The following CENATAC variants were observed in gnomAD, a reference collection of about 807,000 sequenced individuals.
CENATAC encodes centrosomal AT-AC splicing factor, also known as coiled-coil domain containing 84.
Under a neutral mutation model 53.7 loss-of-function variants are expected in CENATAC, and 53 were observed. The ratio of observed to expected loss-of-function variants is 0.99; its 90% CI spans 0.79 to 1.24. The LOEUF (loss-of-function observed/expected upper bound fraction) is 1.24. CENATAC is among the 50% of genes most tolerant of loss of function. CENATAC has a pLI of 0.00. For missense variants in CENATAC, 474 were observed against 417.8 expected, an observed-to-expected ratio of 1.13 and a Z score of -1.17; for synonymous variants, 156 against 144.6, an observed-to-expected ratio of 1.08 and a Z score of -0.57.
In CENATAC at chr11:119,015,782, C is replaced by T; in HGVS notation, c.*184C>T. On this transcript the variant is annotated 3_prime_UTR_variant, in exon 11 of 11. Transcript: ENST00000334418. The stretch of plus-strand genomic sequence containing the variant: ...ACCTGTAAAAAAAAATTAAAAGAAT[C>T]AGAACCATAAAGCTTTGTATCTACC... 2 of 1,347,618 alleles carry T rather than the reference C, an allele frequency of 1.5e-6. No homozygotes were observed. Among genetic ancestry groups the T allele is most frequent in the Non-Finnish European group, 2.1e-6 (2 of 950,356 alleles). The allele number at this position is 1,347,618 out of a possible 1,614,324, so 83.5% of individuals were successfully genotyped here.
chr11:118,999,068 G>C lies in CENATAC; in HGVS notation c.342G>C (p.Gln114His), dbSNP rs1316473732. Residue 114 changes from glutamine (Q) to histidine (H), a missense_variant, in exon 3 of 11, where the codon CAG becomes CAC. By Grantham distance (24) the Gln-to-His change is conservative (BLOSUM62 0). Transcript: ENST00000334418. ...GGTGGGAGAACAAAGCTGAGGTCCA[G>C]ATGAAAGAGAAGTTTCTGGTCACTC... ...KFWWENKAEV[Q>H]MKEKFLVTPQ... is the part of the protein sequence containing the mutation. The C allele has an allele frequency of 2.5e-6, 4 of 1,614,092 alleles. No homozygotes were observed. The highest frequency in any genetic ancestry group is 3.4e-6 in the Non-Finnish European group (4 of 1,180,038).
At chr11:119,011,433 G>A in intron 5 of CENATAC, 150 bp downstream of exon 5, 1 of 638,906 alleles carries the variant, frequency 1.6e-6, no homozygotes, top group Non-Finnish European at 2.6e-6. Context: ...GAGTGCAGTG[G>A]CACGATCTCG....
Position 118,998,585 on chromosome 11 carries a change from T to G in CENATAC, c.276T>G (p.His92Gln), listed in dbSNP as rs782135781. 8 of 1,562,202 alleles carry G rather than the reference T, an allele frequency of 5.1e-6. No individual in the cohort carries two copies. In the South Asian group the frequency reaches 9.4e-5, roughly 18 times the overall value. Residue 92 changes from histidine (H) to glutamine (Q), a missense_variant, in exon 2 of 11, where the codon CAT becomes CAG. His to Gln is a conservative substitution (Grantham distance 24, BLOSUM62 0). Coordinates refer to ENST00000334418, the MANE Select transcript of CENATAC (RefSeq NM_198489.3). ...TGCTGTACGGGGGGCTGCTGGAGCA[T>G]CTGGCCAGGTGAGAGCCGAGCTAGG... ...LTVLYGGLLE[H>Q]LASPEHKKAT... is the part of the protein sequence containing the mutation.
chr11:118,999,667 A>C (rs566191044), intron 3 of CENATAC, among the ~76,000 whole-genome samples: 15 of 149,992 alleles, frequency 1.0e-4, no homozygotes, highest in East Asian at 9.8e-4. Context: ...TTTTCTTTTT[A>C]TTTTTCGCTC....
intron 7 of CENATAC, 148 bp from the exon 8 acceptor site, chr11:119,013,084 T>G: frequency 3.3e-6 from 2 of 612,306 alleles, no homozygotes; most frequent in Non-Finnish European, 5.8e-6. Context: ...CTTTCAAAGT[T>G]TAACATCAGC....
At chr11:119,000,205 G>A (rs996560237) in intron 3 of CENATAC, among the ~76,000 whole-genome samples, 25 of 152,122 alleles carry the variant, frequency 1.6e-4, no homozygotes, top group African/African-American at 5.3e-4. Flanking sequence ...ATCCTTTGCC[G>A]ACATTAAATT....
At chr11:119,011,070 A>G in intron 4 of CENATAC, 151 bp from the exon 5 acceptor site, 1 of 676,618 alleles carries the variant, frequency 1.5e-6, no homozygotes, top group Non-Finnish European at 2.5e-6. Context: ...ACAGGAGCTC[A>G]GGCGGCAGTG....
In CENATAC at chr11:118,998,463, C is replaced by T. The variant is rs1942122984; in HGVS notation, c.154C>T (p.Gln52Ter). 6.2e-7 allele frequency: 1 copy of T among 1,612,920 alleles called. No individual in the cohort carries two copies. Residue 52 changes from glutamine (Q) to a stop codon, truncating the protein, a stop_gained, in exon 2 of 11, where the codon CAG becomes TAG. Coordinates refer to ENST00000334418, the MANE Select transcript of CENATAC (RefSeq NM_198489.3). LOFTEE classifies it high-confidence loss of function. ...GGCCCGCAAGGCCATCCGCGCCGCT[C>T]AGGTGGAGCGCTATGTGCCCGAACA... ...EAARKAIRAA[Q>*]VERYVPEHER...
At chr11:119,008,478 GACT>G (rs1419704807) in intron 3 of CENATAC, among the ~76,000 whole-genome samples, 1 of 152,180 alleles carries the variant, frequency 6.6e-6, no homozygotes, top group Non-Finnish European at 1.5e-5. Context: ...GTGGAGTAAA[GACT>G]ACAAGGCAGT....
intron 3 of CENATAC, among the ~76,000 whole-genome samples, chr11:119,002,812 GT>G (rs1942377528): frequency 6.6e-6 from 1 of 151,390 alleles, no homozygotes; most frequent in South Asian, 2.1e-4. Flanking sequence ...TCAAGATGGA[GT>G]CTCGCTCTGT....
At position 118,998,443 on chromosome 11, in the gene CENATAC, G is replaced by A. The variant is rs562464017; in HGVS notation, c.134G>A (p.Arg45His). 4 of 1,611,872 alleles carry A rather than the reference G, an allele frequency of 2.5e-6. No individual in the cohort carries two copies. Among genetic ancestry groups the A allele is most frequent in the East Asian group, 4.5e-5 (2 of 44,874 alleles). The change falls in exon 2 of 11, where the codon CGC (arginine) becomes CAC (histidine). Residue 45 changes from arginine (R) to histidine (H), a missense_variant. Arg to His is a conservative substitution (Grantham distance 29). Coordinates refer to ENST00000334418, the MANE Select transcript of CENATAC (RefSeq NM_198489.3). ...ERLLPQVEAA[R>H]KAIRAAQVER... ...TCTCTGCGGCAGGTGGAGGCGGCCC[G>A]CAAGGCCATCCGCGCCGCTCAGGTG...
chr11:119,009,089 C>T (rs1942745879), intron 3 of CENATAC, among the ~76,000 whole-genome samples: 1 of 152,174 alleles, frequency 6.6e-6, no homozygotes, highest in African/African-American at 2.4e-5. Flanking sequence ...TTCCTTCCTA[C>T]ATAGACACAG....
Position 118,998,642 on chromosome 11 carries a change from G to A in CENATAC, c.284+49G>A, listed in dbSNP as rs1240376213. On this transcript the variant is annotated intron_variant, in intron 2 of 10. Transcript: ENST00000334418. ...CTCCAGCACAGACGCATACATATAC[G>A]GGAGGAGGGTTTGGGGTGGGTGAGA... The A allele has an allele frequency of 7.2e-6, 11 of 1,536,048 alleles. 1 individual carries two copies. The South Asian group carries it at 8.4e-5, about 12-fold the overall frequency.
At chr11:119,001,778 C>T in intron 3 of CENATAC, 1 of 436,392 alleles carries the variant, frequency 2.3e-6, no homozygotes, top group Non-Finnish European at 4.6e-6. Context: ...ATGAAACTGC[C>T]AGATGTGGTG....
At position 118,998,316 on chromosome 11, in the gene CENATAC, A is replaced by G; in HGVS notation, c.119A>G (p.Gln40Arg). 1.2e-6 allele frequency: 2 copies of G among 1,609,548 alleles called. No individual in the cohort carries two copies. Among genetic ancestry groups the G allele is most frequent in the Non-Finnish European group, 1.7e-6 (2 of 1,178,064 alleles). The change falls in exon 1 of 11, where the codon CAG becomes CGG. Residue 40 changes from glutamine to arginine, a missense_variant and splice_region_variant. By Grantham distance (43) the Gln-to-Arg change is conservative. Coordinates refer to ENST00000334418, the MANE Select transcript of CENATAC (RefSeq NM_198489.3). ...LKEALERLLP[Q>R]VEAARKAIRA... ...GAGGCTTTGGAGAGGCTCCTGCCCC[A>G]GGTGCGGAGGCAAGGCTAGAGATGG...
intron 1 of CENATAC, 25 bp downstream of exon 1, chr11:118,998,342 G>C: frequency 1.2e-6 from 2 of 1,611,536 alleles, no homozygotes; most frequent in Non-Finnish European, 1.7e-6. Context: ...CTAGAGATGG[G>C]ATGGGAGTGC....
At chr11:119,002,943 G>A (rs888221931) in intron 3 of CENATAC, 10 of 419,774 alleles carry the variant, frequency 2.4e-5, no homozygotes, top group Non-Finnish European at 4.6e-5. Context: ...GCGCCACCAT[G>A]CCTTGATAAT....
chr11:119,010,527 T>C, intron 3 of CENATAC: 1 of 514,780 alleles, frequency 1.9e-6, no homozygotes, highest in East Asian at 3.0e-5. Context: ...GAAAATAGGG[T>C]TTGACGTCTA....
chr11:119,007,433 C>T (rs555533933), intron 3 of CENATAC, among the ~76,000 whole-genome samples: 17 of 152,206 alleles, frequency 1.1e-4, no homozygotes, highest in Admixed American at 6.5e-4. Flanking sequence ...CCGCCCACCT[C>T]GGCCTCCCAA....
Sources: gnomAD v4.1 joint callset for allele counts (sites outside exome capture counted in the v4.1 genomes callset) on GRCh38, gnomAD v4.1.1 for gene constraint, MANE v1.5 for transcripts, NCBI Gene and HGNC (gene_info 2026-07-23, HGNC 2026-07-21) for gene names.